The following EXOC4 variants were observed in gnomAD, a reference collection of about 807,000 sequenced individuals.
EXOC4 encodes exocyst complex component 4.
In EXOC4, 71 loss-of-function variants were observed where a neutral mutation model predicts 107.2. The observed-to-expected ratio is 0.66, with a 90% CI of 0.55 to 0.81. EXOC4 has a LOEUF of 0.81. Ranked by LOEUF, EXOC4 falls within the 30% of genes least tolerant of loss-of-function variation. The pLI is 0.00. For missense variants in EXOC4, 1,108 were observed against 1,189.6 expected, an observed-to-expected ratio of 0.93 and a Z score of 1.01; for synonymous variants, 456 against 441.2, an observed-to-expected ratio of 1.03 and a Z score of -0.42.
At chr7:133,436,498 G>A (rs1797977840) in intron 7 of EXOC4, among the ~76,000 whole-genome samples, 1 of 147,758 alleles carries the variant, frequency 6.8e-6, no homozygotes, top group African/African-American at 2.5e-5. Flanking sequence ...GCAGTGTGGT[G>A]TTAAAAAAAA....
intron 7 of EXOC4, among the ~76,000 whole-genome samples, chr7:133,444,073 C>G (rs1005483009): frequency 6.6e-6 from 1 of 152,116 alleles, no homozygotes; most frequent in Admixed American, 6.6e-5. Flanking sequence ...AAAACCAGGT[C>G]CTCATAAGAG....
intron 11 of EXOC4, among the ~76,000 whole-genome samples, chr7:133,863,390 A>G (rs1798574082): frequency 1.3e-5 from 2 of 152,242 alleles, no homozygotes; most frequent in African/African-American, 4.8e-5. Flanking sequence ...ACTAAATGCC[A>G]CAATGTGGAA....
chr7:134,098,119 A>G, the EXOC4 span, among the ~76,000 whole-genome samples: 1 of 152,220 alleles, frequency 6.6e-6, no homozygotes, highest in Non-Finnish European at 1.5e-5. Context: ...TTTTCAACCA[A>G]GATCCCTGCT....
At chr7:134,062,521 C>G (rs1796088048) in intron 17 of EXOC4, among the ~76,000 whole-genome samples, 1 of 152,206 alleles carries the variant, frequency 6.6e-6, no homozygotes. Flanking sequence ...GATTTCTGAG[C>G]CACTCATCCT....
rs545548790 is a variant in EXOC4 at position 133,494,049 on chromosome 7, T to C, written c.1417+13911T>C. 5.3e-5 allele frequency among the ~76,000 whole-genome samples: 8 copies of C among 152,350 alleles called. No individual in the cohort carries two copies. The South Asian group carries it at 1.0e-3, about 20-fold the overall frequency. ...ATTAATGGCAGCTGAAAATTTGGCA[T>C]TGTTTTATGTACATTATTGTTTTGC... On this transcript the variant is annotated intron_variant, in intron 9 of 17. Transcript: ENST00000253861.
At chr7:133,469,247 C>A (rs1418781093) in intron 7 of EXOC4, among the ~76,000 whole-genome samples, 2 of 152,120 alleles carry the variant, frequency 1.3e-5, no homozygotes, top group African/African-American at 4.8e-5. Context: ...GAAACCCCAT[C>A]TCTACTAAAA....
chr7:133,303,213 T>A (rs190105128), intron 3 of EXOC4, among the ~76,000 whole-genome samples: 5 of 152,286 alleles, frequency 3.3e-5, no homozygotes, highest in Non-Finnish European at 7.3e-5. Flanking sequence ...GGTGGGTGGA[T>A]CACAAGGTCA....
intron 11 of EXOC4, among the ~76,000 whole-genome samples, chr7:133,841,746 G>T (rs187184275): frequency 6.6e-6 from 1 of 152,258 alleles, no homozygotes; most frequent in Non-Finnish European, 1.5e-5. Flanking sequence ...TTGATATACA[G>T]ATTATTTCAT....
chr7:133,276,657 C>A (rs1427425419), intron 2 of EXOC4, among the ~76,000 whole-genome samples: 4 of 152,080 alleles, frequency 2.6e-5, no homozygotes, highest in Admixed American at 6.6e-5. Context: ...TGGTTCCCCC[C>A]ACCACTGTGG....
intron 6 of EXOC4, among the ~76,000 whole-genome samples, chr7:133,364,632 G>A (rs1357811269): frequency 1.3e-5 from 2 of 152,174 alleles, no homozygotes; most frequent in African/African-American, 4.8e-5. Context: ...AGGGCCCACA[G>A]GACTCTATGC....
chr7:133,534,043 A>G (rs1800229401), intron 9 of EXOC4, among the ~76,000 whole-genome samples: 1 of 152,182 alleles, frequency 6.6e-6, no homozygotes, highest in Admixed American at 6.5e-5. Flanking sequence ...TGAATAACTC[A>G]GTTTAGGTCA....
At chr7:133,798,585 C>A (rs1796865355) in intron 10 of EXOC4, among the ~76,000 whole-genome samples, 2 of 152,166 alleles carry the variant, frequency 1.3e-5, no homozygotes, top group African/African-American at 4.8e-5. Context: ...CCCTGCAAGG[C>A]AGATATTATT....
intron 9 of EXOC4, among the ~76,000 whole-genome samples, chr7:133,558,196 C>CTTTTCTTTTCTTTTCTTTTCTTTTTT (rs1449357587): frequency 9.9e-6 from 1 of 101,218 alleles, no homozygotes; most frequent in Non-Finnish European, 2.0e-5. Context: ...CTTCTCTTTT[C>CTTTTCTTTTCTTTTCTTTTCTTTTTT]TTTTCTTTTC....
intron 9 of EXOC4, among the ~76,000 whole-genome samples, chr7:133,532,861 T>C (rs1375498820): frequency 6.6e-6 from 1 of 152,148 alleles, no homozygotes; most frequent in Non-Finnish European, 1.5e-5. Flanking sequence ...GAAATAACTA[T>C]TTACTGAACA....
rs1413926205 is a variant in EXOC4, at chr7:133,437,426, T to C, written c.1183-37902T>C. ...CATGGTCTTTTCCCATTTTCGATTA[T>C]CTGGTGATCACTTACTATTTGCTCT... On this transcript the variant is annotated intron_variant, in intron 7 of 17. Coordinates refer to ENST00000253861, the MANE Select transcript of EXOC4 (RefSeq NM_021807.4). Among the ~76,000 whole-genome samples the C allele has an allele frequency of 4.6e-5, 7 of 152,188 alleles. No homozygotes were observed. In the South Asian group the frequency reaches 1.5e-3, roughly 32 times the overall value.
intron 7 of EXOC4, among the ~76,000 whole-genome samples, chr7:133,441,846 GTA>G (rs1798112463): frequency 6.6e-6 from 1 of 152,186 alleles, no homozygotes; most frequent in Non-Finnish European, 1.5e-5. Flanking sequence ...GTGTGTGTGT[GTA>G]TGTGTGCATG....
At chr7:133,543,264 A>G (rs1016723150) in intron 9 of EXOC4, among the ~76,000 whole-genome samples, 8 of 152,026 alleles carry the variant, frequency 5.3e-5, no homozygotes, top group African/African-American at 1.4e-4. Context: ...CCTAAGGCAA[A>G]TTTTTAGGTT....
At chr7:133,628,588 G>T (rs1802512187) in intron 9 of EXOC4, among the ~76,000 whole-genome samples, 1 of 152,128 alleles carries the variant, frequency 6.6e-6, no homozygotes, top group African/African-American at 2.4e-5. Flanking sequence ...CATAAGTGGG[G>T]GTAGAGTGTT....
At chr7:133,779,557 T>C (rs1192181425) in intron 10 of EXOC4, among the ~76,000 whole-genome samples, 1 of 152,236 alleles carries the variant, frequency 6.6e-6, no homozygotes, top group Non-Finnish European at 1.5e-5. Context: ...ACTTGCTGGG[T>C]CAGTGAGGAC....
Sources: allele counts gnomAD v4.1 joint callset (sites outside exome capture counted in the v4.1 genomes callset), GRCh38; gene constraint gnomAD v4.1.1; transcripts MANE v1.5; gene names NCBI Gene and HGNC (gene_info 2026-07-23, HGNC 2026-07-21).